Variants in ST8SIA5 observed in about 807,000 individuals in gnomAD.
The protein encoded by ST8SIA5 is alpha-2,8-sialyltransferase 8E.
Under a neutral mutation model 40.2 loss-of-function variants are expected in ST8SIA5, and 24 were observed. The observed-to-expected ratio is 0.60, with a 90% CI of 0.43 to 0.84. The LOEUF is 0.84. ST8SIA5 is among the 40% of genes least tolerant of loss of function. The probability of loss-of-function intolerance (pLI) is 0.00; values close to 1 mark genes in which losing one functional copy is unlikely to be tolerated. For synonymous variants in ST8SIA5, 198 were observed against 201.8 expected (o/e 0.98, Z 0.16); for missense variants, 465 against 498.5 (o/e 0.93, Z 0.64).
At chr18:46,723,448 C>T (rs935757966) in intron 1 of ST8SIA5, among the ~76,000 whole-genome samples, 4 of 151,080 alleles carry the variant, frequency 2.6e-5, no homozygotes, top group Non-Finnish European at 4.4e-5. Flanking sequence ...GCTACTTGGG[C>T]GGCTAAGGCG....
At position 46,669,590 on chromosome 18, in the gene ST8SIA5, C is replaced by T. The variant is rs968526717; in HGVS notation, c.*10452G>A. 2.6e-5 allele frequency: 4 copies of T among 152,162 alleles called. No homozygotes were observed. Among genetic ancestry groups the T allele is most frequent in the Non-Finnish European group, 4.4e-5 (3 of 68,116 alleles). 9.4% of individuals were successfully genotyped at this position (152,162 alleles called of 1,614,324 possible). On this transcript the variant is annotated 3_prime_UTR_variant, in exon 7 of 7. Coordinates refer to ENST00000315087, the MANE Select transcript of ST8SIA5 (RefSeq NM_013305.6). ...GAAGTCCTGACCCTCCTGCCCCACA[C>T]AATAAGGACAACACAAGCAGAATCA... is the stretch of plus-strand genomic sequence containing the variant.
Position 46,675,097 on chromosome 18 carries a change from A to G in ST8SIA5, c.*4945T>C, listed in dbSNP as rs1228572191. 1 of 152,250 alleles carries G rather than the reference A, an allele frequency of 6.6e-6. No homozygotes were observed. The highest frequency in any genetic ancestry group is 2.4e-5 in the African/African-American group (1 of 41,462). 9.4% of individuals were successfully genotyped at this position (152,250 alleles called of 1,614,324 possible). ...AGATGGTCTGGGTTAGGGCAGTAGC[A>G]GAGGGGTTGCAGGGAGGGAATGACT... On this transcript the variant is annotated 3_prime_UTR_variant, in exon 7 of 7. Transcript: ENST00000315087.
At chr18:46,689,187 CT>C (rs1259358075) in intron 3 of ST8SIA5, among the ~76,000 whole-genome samples, 2 of 152,330 alleles carry the variant, frequency 1.3e-5, no homozygotes, top group South Asian at 2.1e-4. Flanking sequence ...AGTCCCCTCC[CT>C]TTTCAACGCC....
intron 1 of ST8SIA5, among the ~76,000 whole-genome samples, chr18:46,717,837 A>ATT (rs558387396): frequency 0.029 from 4,328 of 146,790 alleles, 207 homozygotes; most frequent in African/African-American, 0.1. Flanking sequence ...CGCTTAATTC[A>ATT]TTTTTTTTTT....
At chr18:46,686,389 C>G (rs1334561051) in intron 4 of ST8SIA5, 103 bp from the exon 5 acceptor site, 2 of 882,714 alleles carry the variant, frequency 2.3e-6, no homozygotes, top group Non-Finnish European at 3.7e-6. Flanking sequence ...CTCCTGGTCC[C>G]AAGAGGCAGC....
chr18:46,688,817 G>A lies in ST8SIA5; in HGVS notation c.414C>T (p.Gly138=). 6.2e-7 allele frequency: 1 copy of A among 1,613,848 alleles called. No homozygotes were observed. Among genetic ancestry groups the A allele is most frequent in the Non-Finnish European group, 8.5e-7 (1 of 1,179,910 alleles). The change falls in exon 4 of 7, where the codon GGC becomes GGT. Residue 138 remains glycine (G), a synonymous_variant. Transcript: ENST00000315087. ...AGATCTCCTGGTTGATGTGGTAGAT[G>A]CCACTGGTGTCCACCTCATACTTGA... is the stretch of plus-strand genomic sequence containing the variant. ...TKLKYEVDTS[G]IYHINQEIFR... is the part of the protein sequence containing the mutation.
intron 4 of ST8SIA5, among the ~76,000 whole-genome samples, chr18:46,687,964 C>T (rs747755620): frequency 2.6e-5 from 4 of 152,234 alleles, no homozygotes; most frequent in African/African-American, 4.8e-5. Context: ...CAGGTTCCAG[C>T]GCCCCTTCTC....
chr18:46,740,087 T>C (rs2040073577), intron 1 of ST8SIA5, among the ~76,000 whole-genome samples: 1 of 152,192 alleles, frequency 6.6e-6, no homozygotes, highest in Non-Finnish European at 1.5e-5. Context: ...TGACTCAGAG[T>C]CTACTTTCCA....
In ST8SIA5 at chr18:46,701,130, C is replaced by CTTTTTTTTT. The variant is rs755571106; in HGVS notation, c.224+3433_224+3441dup. Among the ~76,000 whole-genome samples, 4 of 45,794 alleles carry CTTTTTTTTT rather than the reference C, an allele frequency of 8.7e-5. 2 individuals carry two copies. The highest frequency in any genetic ancestry group is 3.4e-4 in the African/African-American group (4 of 11,742). 30.0% of individuals were successfully genotyped at this position (45,794 alleles called of 152,430 possible). ...ATGAAACCGTATTTGGAGATAGGGC[C>CTTTTTTTTT]TTTTTTTTTTTTTTTTTTTTTTTTT... On this transcript the variant is annotated intron_variant, in intron 2 of 6. Coordinates refer to ENST00000315087, the MANE Select transcript of ST8SIA5 (RefSeq NM_013305.6).
In ST8SIA5 at chr18:46,668,162, T is replaced by A. The variant is rs550737932; in HGVS notation, c.*11880A>T. 2 of 152,334 alleles carry A rather than the reference T, an allele frequency of 1.3e-5. No individual in the cohort carries two copies. Among genetic ancestry groups the A allele is most frequent in the African/African-American group, 4.8e-5 (2 of 41,558 alleles). The allele number at this position is 152,334 out of a possible 1,614,324, so 9.4% of individuals were successfully genotyped here. On this transcript the variant is annotated 3_prime_UTR_variant, in exon 7 of 7. Coordinates refer to ENST00000315087, the MANE Select transcript of ST8SIA5 (RefSeq NM_013305.6). ...TTCATATAGATGGTGTTTCTCCACA[T>A]CCCAGCAAAGGACATCTCAGGCCTC...
chr18:46,747,250 T>A (rs1338161545), intron 1 of ST8SIA5, among the ~76,000 whole-genome samples: 1 of 152,130 alleles, frequency 6.6e-6, no homozygotes, highest in Admixed American at 6.6e-5. Context: ...AGCTTCTGCA[T>A]GGCAAAATAA....
In ST8SIA5 at chr18:46,674,167, T is replaced by G. The variant is rs1599091746; in HGVS notation, c.*5875A>C. ...CCAGGCTGCACCTCAGCCACAGTGA[T>G]GTAAGAGCCTGACATGTTTGTGTGG... On this transcript the variant is annotated 3_prime_UTR_variant, in exon 7 of 7. Transcript: ENST00000315087. The G allele has an allele frequency of 1.3e-5, 2 of 152,296 alleles. No individual in the cohort carries two copies. Among genetic ancestry groups the G allele is most frequent in the Admixed American group, 1.3e-4 (2 of 15,298 alleles). 9.4% of individuals were successfully genotyped at this position (152,296 alleles called of 1,614,324 possible). A position where few individuals can be genotyped will look rare whatever the true frequency, so the allele number is the denominator to read the frequency against.
chr18:46,723,427 C>T (rs1264049867), intron 1 of ST8SIA5, among the ~76,000 whole-genome samples: 1 of 152,138 alleles, frequency 6.6e-6, no homozygotes, highest in African/African-American at 2.4e-5. Flanking sequence ...TGGCACTTGC[C>T]TGTAGTCCCA....
At chr18:46,726,006 TATATCCTGGATATATATATATATCCTGG>T (rs1206575009) in intron 1 of ST8SIA5, among the ~76,000 whole-genome samples, 5 of 63,612 alleles carry the variant, frequency 7.9e-5, no homozygotes, top group Non-Finnish European at 1.5e-4. Flanking sequence ...TATATATATA[TATATCCTGGATATATATATATATCCTGG>T]ATATATATAT....
In ST8SIA5 at chr18:46,675,262, GCACTGTGCTAGGCATTGTGCAA is replaced by G; in HGVS notation, c.*4758_*4779del. The G allele has an allele frequency of 6.6e-6, 1 of 152,322 alleles. No individual in the cohort carries two copies. Among genetic ancestry groups the G allele is most frequent in the African/African-American group, 2.4e-5 (1 of 41,570 alleles). 9.4% of individuals were successfully genotyped at this position (152,322 alleles called of 1,614,324 possible). ...CTTGCTAGTGTCTAGTTTGTGCTGG[GCACTGTGCTAGGCATTGTGCAA>G]CACTATTTCACTTAGCTTTGCAACA... On this transcript the variant is annotated 3_prime_UTR_variant, in exon 7 of 7. Coordinates refer to ENST00000315087, the MANE Select transcript of ST8SIA5 (RefSeq NM_013305.6).
Position 46,669,014 on chromosome 18 carries a change from G to A in ST8SIA5, c.*11028C>T, listed in dbSNP as rs923095961. On this transcript the variant is annotated 3_prime_UTR_variant, in exon 7 of 7. Transcript: ENST00000315087. ...CTCTCCTGCTTTGCTCAGGCCTGTG[G>A]CCTTGGGTGACTCTGCCAGATACAA... 5.9e-5 allele frequency: 9 copies of A among 152,400 alleles called. No homozygotes were observed. The highest frequency in any genetic ancestry group is 1.0e-4 in the Non-Finnish European group (7 of 68,150). 9.4% of individuals were successfully genotyped at this position (152,400 alleles called of 1,614,324 possible). A position where few individuals can be genotyped will look rare whatever the true frequency, so the allele number is the denominator to read the frequency against.
chr18:46,709,211 G>A (rs1319253942), intron 1 of ST8SIA5, among the ~76,000 whole-genome samples: 1 of 152,208 alleles, frequency 6.6e-6, no homozygotes, highest in Non-Finnish European at 1.5e-5. Context: ...GAGGTAATTA[G>A]GTTATGAGGT....
At chr18:46,702,945 G>A (rs1417904441) in intron 2 of ST8SIA5, among the ~76,000 whole-genome samples, 1 of 152,222 alleles carries the variant, frequency 6.6e-6, no homozygotes, top group Non-Finnish European at 1.5e-5. Flanking sequence ...CCAGCTGGAT[G>A]CTGGTCTCAC....
intron 1 of ST8SIA5, among the ~76,000 whole-genome samples, chr18:46,743,461 A>G (rs2040107293): frequency 6.6e-6 from 1 of 152,246 alleles, no homozygotes; most frequent in Admixed American, 6.5e-5. Flanking sequence ...AAGAAAAGGT[A>G]TCAGTGATTG....
Sources: allele counts gnomAD v4.1 joint callset (sites outside exome capture counted in the v4.1 genomes callset), GRCh38; gene constraint gnomAD v4.1.1; transcripts MANE v1.5; gene names NCBI Gene and HGNC (gene_info 2026-07-23, HGNC 2026-07-21).